Variants in RAB5A observed in about 807,000 individuals in gnomAD.
The protein encoded by RAB5A is ras-related protein Rab-5A.
A neutral mutation model predicts 25.7 loss-of-function variants in RAB5A; 8 were observed. The observed-to-expected ratio is 0.31, with a 90% CI of 0.18 to 0.56. The LOEUF (loss-of-function observed/expected upper bound fraction) is 0.56. Among genes scored for constraint, RAB5A ranks in the 20% least tolerant of loss-of-function variants. The pLI, the probability that RAB5A is intolerant of heterozygous loss-of-function variation, is 0.91. For synonymous variants in RAB5A, 98 were observed against 89.8 expected (o/e 1.09, Z -0.52); for missense variants, 192 against 259.7 (o/e 0.74, Z 1.79).
At chr3:19,953,011 A>G (rs931618485) in intron 2 of RAB5A, among the ~76,000 whole-genome samples, 1 of 152,146 alleles carries the variant, frequency 6.6e-6, no homozygotes, top group African/African-American at 2.4e-5. Context: ...AACCTGGGCC[A>G]CGTAGGTTTG....
intron 2 of RAB5A, among the ~76,000 whole-genome samples, chr3:19,955,993 T>A (rs1036439468): frequency 6.6e-6 from 1 of 152,214 alleles, no homozygotes; most frequent in Admixed American, 6.5e-5. Flanking sequence ...TATAGGAGAA[T>A]GCCTTCCTGT....
At chr3:19,963,639 T>C (rs532467638) in intron 2 of RAB5A, among the ~76,000 whole-genome samples, 3 of 152,174 alleles carry the variant, frequency 2.0e-5, no homozygotes, top group East Asian at 3.9e-4. Context: ...TTCTCAGATA[T>C]CAGAACTTTT....
rs778928010 is a variant in RAB5A, at chr3:19,975,641, A to G, written c.204A>G (p.Thr68=). 3 of 1,614,088 alleles carry G rather than the reference A, an allele frequency of 1.9e-6. No individual in the cohort carries two copies. The South Asian group carries it at 3.3e-5, about 18-fold the overall frequency. Reference sequence around the variant, plus strand: ...AAACTGTATGTCTTGATGACACTACAGTAAAGTTTGAAATATGGGATACAG... The same window carrying G: ...AAACTGTATGTCTTGATGACACTACGGTAAAGTTTGAAATATGGGATACAG... ...LTQTVCLDDT[T]VKFEIWDTAG... The change falls in exon 3 of 6, where the codon ACA becomes ACG. Residue 68 remains threonine (T), a synonymous_variant. Coordinates refer to ENST00000273047, the MANE Select transcript of RAB5A (RefSeq NM_004162.5).
intron 2 of RAB5A, among the ~76,000 whole-genome samples, chr3:19,963,079 G>A (rs13077454): frequency 0.031 from 4,765 of 152,228 alleles, 124 homozygotes; most frequent in Non-Finnish European, 0.05. Flanking sequence ...AAAGTGTTGG[G>A]ATTAAAGGCA....
At chr3:19,951,701 G>GTTTTTTTGTTT (rs1553638046) in intron 2 of RAB5A, among the ~76,000 whole-genome samples, 1 of 99,014 alleles carries the variant, frequency 1.0e-5, no homozygotes, top group South Asian at 3.2e-4. Flanking sequence ...TGCCAGGCAA[G>GTTTTTTTGTTT]TTTTTTTTTT....
intron 2 of RAB5A, among the ~76,000 whole-genome samples, chr3:19,955,423 C>T (rs140434541): frequency 1.3e-3 from 194 of 152,204 alleles, no homozygotes; most frequent in African/African-American, 4.1e-3. Context: ...TGTAGAATCC[C>T]GTGTTGAATC....
In RAB5A at chr3:19,967,940, A is replaced by G. The variant is rs140046103; in HGVS notation, c.164-7661A>G. The stretch of plus-strand genomic sequence containing the variant: ...TTATTTTTCCTGTTTTCGGCTATGT[A>G]TGATTCTTCTCTGTGTGTAATTTTA... On this transcript the variant is annotated intron_variant, in intron 2 of 5. Coordinates refer to ENST00000273047, the MANE Select transcript of RAB5A (RefSeq NM_004162.5). Among the ~76,000 whole-genome samples the G allele has an allele frequency of 2.9e-4, 44 of 152,258 alleles. No individual in the cohort carries two copies. The East Asian group carries it at 6.2e-3, about 21-fold the overall frequency.
chr3:19,969,035 T>TTTTG (rs1559490085), intron 2 of RAB5A, among the ~76,000 whole-genome samples: 2 of 121,790 alleles, frequency 1.6e-5, no homozygotes, highest in African/African-American at 6.8e-5. Context: ...GTTTTGGTTT[T>TTTTG]TTTTTTTTGG....
chr3:19,953,646 G>T (rs1380915674), intron 2 of RAB5A, among the ~76,000 whole-genome samples: 1 of 152,074 alleles, frequency 6.6e-6, no homozygotes, highest in Non-Finnish European at 1.5e-5. Flanking sequence ...GGCCTCAAGT[G>T]ATCTGCCTAC....
chr3:19,975,484 G>T, intron 2 of RAB5A, 117 bp from the exon 3 acceptor site: 2 of 917,078 alleles, frequency 2.2e-6, no homozygotes, highest in Non-Finnish European at 3.2e-6. Context: ...CATAATAGTT[G>T]TACATACTTA....
intron 2 of RAB5A, among the ~76,000 whole-genome samples, chr3:19,961,468 CAGGT>C (rs755612486): frequency 2.6e-5 from 4 of 152,244 alleles, no homozygotes; most frequent in East Asian, 1.9e-4. Flanking sequence ...TAGTATTTGA[CAGGT>C]AGGGGCCTTC....
chr3:19,961,189 G>A (rs1163431090), intron 2 of RAB5A, among the ~76,000 whole-genome samples: 1 of 152,142 alleles, frequency 6.6e-6, no homozygotes, highest in Non-Finnish European at 1.5e-5. Flanking sequence ...ACTTAAACAG[G>A]ATTTTCAGAA....
intron 2 of RAB5A, among the ~76,000 whole-genome samples, chr3:19,971,812 G>A (rs977113980): frequency 6.6e-6 from 1 of 152,020 alleles, no homozygotes; most frequent in Admixed American, 6.6e-5. Flanking sequence ...TCTTGATGTT[G>A]TTTTTGAGGT....
chr3:19,957,730 CAAA>C (rs61222002), intron 2 of RAB5A, among the ~76,000 whole-genome samples: 20 of 132,378 alleles, frequency 1.5e-4, no homozygotes, highest in Admixed American at 3.1e-4. Context: ...GACTCTGTCT[CAAA>C]AAAAAAAAAA....
intron 2 of RAB5A, among the ~76,000 whole-genome samples, chr3:19,952,375 A>G (rs1696436740): frequency 1.3e-5 from 2 of 152,206 alleles, no homozygotes; most frequent in East Asian, 1.9e-4. Flanking sequence ...TAAGGTATTC[A>G]TGTATATATT....
At chr3:19,975,853 T>A in intron 3 of RAB5A, 101 bp downstream of exon 3, 1 of 1,381,226 alleles carries the variant, frequency 7.2e-7, no homozygotes, top group Non-Finnish European at 9.8e-7. Flanking sequence ...CTGATAGTCA[T>A]GACCTTTCTG....
At chr3:19,968,451 CCCA>C (rs986456743) in intron 2 of RAB5A, among the ~76,000 whole-genome samples, 39 of 152,190 alleles carry the variant, frequency 2.6e-4, no homozygotes, top group African/African-American at 9.4e-4. Context: ...ACATTCTTTC[CCCA>C]CAAGTTACTT....
chr3:19,964,959 C>G (rs1696640259), intron 2 of RAB5A, among the ~76,000 whole-genome samples: 1 of 152,186 alleles, frequency 6.6e-6, no homozygotes, highest in Non-Finnish European at 1.5e-5. Flanking sequence ...GAGACGGAGT[C>G]TCGCTCTGTC....
chr3:19,983,362 AAG>A (rs1491015021), intron 5 of RAB5A, among the ~76,000 whole-genome samples: 2 of 151,170 alleles, frequency 1.3e-5, no homozygotes, highest in Non-Finnish European at 3.0e-5. Flanking sequence ...AAAAAAAAAA[AAG>A]AAGTAATAAT....
Sources: allele counts gnomAD v4.1 joint callset (sites outside exome capture counted in the v4.1 genomes callset), GRCh38; gene constraint gnomAD v4.1.1; transcripts MANE v1.5; gene names NCBI Gene and HGNC (gene_info 2026-07-23, HGNC 2026-07-21).